ARHGAP11A: variants seen among roughly 807,000 people sequenced by gnomAD.
The protein encoded by ARHGAP11A is Rho GTPase activating protein 11A.
Under a neutral mutation model 60.5 loss-of-function variants are expected in ARHGAP11A, and 36 were observed. The ratio of observed to expected loss-of-function variants is 0.59; its 90% confidence interval spans 0.46 to 0.79. The LOEUF (loss-of-function observed/expected upper bound fraction) is 0.79, where lower values mean the gene tolerates loss of function less well. Ranked by LOEUF, ARHGAP11A falls within the 30% of genes least tolerant of loss-of-function variation. ARHGAP11A has a pLI of 0.00. For missense variants in ARHGAP11A, 1,071 were observed against 1,199.2 expected (o/e 0.89, Z 1.58); for synonymous variants, 362 against 415.5 (o/e 0.87, Z 1.57).
In ARHGAP11A at chr15:32,634,051, T is replaced by A; in HGVS notation, c.1344+10T>A. On this transcript the variant is annotated intron_variant, in intron 10 of 11. Coordinates refer to ENST00000361627, the MANE Select transcript of ARHGAP11A (RefSeq NM_014783.6). The stretch of plus-strand genomic sequence containing the variant: ...AAATGGCAGAGAAGTAGTAAGTTTC[T>A]TACCATTTTATTGATCTTTATATTA... The A allele has an allele frequency of 6.4e-7, 1 of 1,564,112 alleles. No individual in the cohort carries two copies. Among genetic ancestry groups the A allele is most frequent in the Non-Finnish European group, 8.7e-7 (1 of 1,147,636 alleles).
intron 9 of ARHGAP11A, among the ~76,000 whole-genome samples, chr15:32,633,622 C>T (rs913099771): frequency 6.6e-6 from 1 of 151,858 alleles, no homozygotes; most frequent in Non-Finnish European, 1.5e-5. Context: ...CAGCCTGGGC[C>T]GCAGAGTGAG....
Position 32,637,533 on chromosome 15 carries a change from C to A in ARHGAP11A, c.2760C>A (p.Ser920Arg). 1 of 1,614,014 alleles carries A rather than the reference C, an allele frequency of 6.2e-7. No homozygotes were observed. The highest frequency in any genetic ancestry group is 8.5e-7 in the Non-Finnish European group (1 of 1,180,010). ...ATATTGGTGCAATTTCAAAGTCAAG[C>A]ATGGAGTTACCCTCGAAATCTTTCT... ...ESNIGAISKS[S>R]MELPSKSFLK... Residue 920 changes from serine (S) to arginine (R), a missense_variant, in exon 12 of 12, where the codon AGC becomes AGA. Physicochemically the swap from Ser to Arg is moderately radical, Grantham distance 110 (BLOSUM62 -1). Around this residue, in one of 4 missense-constraint regions of ARHGAP11A, gnomAD observed 776 missense variants for 760.2 expected, o/e 1.02. Transcript: ENST00000361627.
At chr15:32,635,487 A>G (rs28373273) in intron 10 of ARHGAP11A, among the ~76,000 whole-genome samples, 2,744 of 152,286 alleles carry the variant, frequency 0.018, 97 homozygotes, top group African/African-American at 0.063. Context: ...TGCCCCAACT[A>G]TTTGTGAACA....
At position 32,633,656 on chromosome 15, in the gene ARHGAP11A, CAAAG is replaced by C. The variant is rs1016352307; in HGVS notation, c.1236-273_1236-270del. Among the ~76,000 whole-genome samples the C allele has an allele frequency of 5.9e-5, 9 of 151,356 alleles. No individual in the cohort carries two copies. In the East Asian group the frequency reaches 1.4e-3, roughly 23 times the overall value. ...AGACCCTGTCTCAAAAAATAAAAAA[CAAAG>C]AAAAAAATTCCTGTTAGGTTAAAAA... is the stretch of plus-strand genomic sequence containing the variant. On this transcript the variant is annotated intron_variant, in intron 9 of 11. Coordinates refer to ENST00000361627, the MANE Select transcript of ARHGAP11A (RefSeq NM_014783.6).
chr15:32,629,631 A>G lies in ARHGAP11A; in HGVS notation c.974A>G (p.Asn325Ser). ...LSESPVILTP[N>S]AKRTLPVDSS... ...GAATCACCAGTGATTCTTACACCAA[A>G]TGCTAAGCGTACATTGCCAGTAGAT... is the stretch of plus-strand genomic sequence containing the variant. The change falls in exon 8 of 12, where the codon AAT becomes AGT. Residue 325 changes from asparagine (N) to serine (S), a missense_variant. Physicochemically the swap from Asn to Ser is conservative, Grantham distance 46. This residue lies in a region of ARHGAP11A where 196 missense variants were observed against 272.1 expected (regional missense o/e 0.72). Coordinates refer to ENST00000361627, the MANE Select transcript of ARHGAP11A (RefSeq NM_014783.6). 1.2e-6 allele frequency: 2 copies of G among 1,612,364 alleles called. No individual in the cohort carries two copies. Among genetic ancestry groups the G allele is most frequent in the South Asian group, 2.2e-5 (2 of 90,494 alleles).
intron 2 of ARHGAP11A, 101 bp downstream of exon 2, chr15:32,620,279 G>A (rs1185267437): frequency 6.3e-7 from 1 of 1,594,764 alleles, no homozygotes; most frequent in East Asian, 2.2e-5. Flanking sequence ...GAGTCCAGGA[G>A]CTTAAGACCA....
chr15:32,620,908 A>T (rs974283433), intron 2 of ARHGAP11A, among the ~76,000 whole-genome samples: 3 of 152,084 alleles, frequency 2.0e-5, no homozygotes, highest in African/African-American at 4.8e-5. Context: ...TATAAAAAAA[A>T]TTTTAAAGAA....
At chr15:32,627,458 G>A (rs1023276891) in intron 6 of ARHGAP11A, among the ~76,000 whole-genome samples, 7 of 151,976 alleles carry the variant, frequency 4.6e-5, no homozygotes, top group Admixed American at 2.6e-4. Flanking sequence ...GGCCGGGCGC[G>A]ATGGCTCACG....
chr15:32,620,785 G>T (rs1319972118), intron 2 of ARHGAP11A, among the ~76,000 whole-genome samples: 1 of 151,788 alleles, frequency 6.6e-6, no homozygotes, highest in African/African-American at 2.4e-5. Context: ...AAAAAATATT[G>T]GCCAGGCACA....
At chr15:32,628,280 A>G (rs1209695394) in intron 6 of ARHGAP11A, among the ~76,000 whole-genome samples, 1 of 152,172 alleles carries the variant, frequency 6.6e-6, no homozygotes, top group Non-Finnish European at 1.5e-5. Flanking sequence ...TAGTCAAACT[A>G]TGTTATTTAT....
chr15:32,634,358 G>A (rs2053656872), intron 10 of ARHGAP11A, among the ~76,000 whole-genome samples: 1 of 152,084 alleles, frequency 6.6e-6, no homozygotes, highest in Admixed American at 6.6e-5. Flanking sequence ...GGGGGATTTT[G>A]GAATATTTAC....
chr15:32,628,684 A>G, intron 6 of ARHGAP11A, 44 bp from the exon 7 acceptor site: 1 of 1,431,018 alleles, frequency 7.0e-7, no homozygotes, highest in Admixed American at 2.4e-5. Flanking sequence ...TTGGTGAAAG[A>G]CAAGTAAATG....
At chr15:32,625,412 A>G in intron 5 of ARHGAP11A, 75 bp from the exon 6 acceptor site, 2 of 1,546,664 alleles carry the variant, frequency 1.3e-6, no homozygotes. Context: ...AAATTGGTAT[A>G]TTAGTATCTA....
intron 1 of ARHGAP11A, 122 bp from the exon 2 acceptor site, chr15:32,619,986 A>G: frequency 6.5e-7 from 1 of 1,526,982 alleles, no homozygotes. Context: ...GTCTTGATAG[A>G]TAGTTTATCA....
Position 32,636,636 on chromosome 15 carries a change from A to G in ARHGAP11A, c.1863A>G (p.Val621=). ...HALMNQRQSS[V]TNVGKVKLTE... ...TGATGAATCAGAGGCAGTCATCAGT[A>G]ACTAATGTGGGGAAAGTAAAATTAA... is the stretch of plus-strand genomic sequence containing the variant. The change falls in exon 12 of 12, where the codon GTA becomes GTG. Residue 621 remains valine, a synonymous_variant. Coordinates refer to ENST00000361627, the MANE Select transcript of ARHGAP11A (RefSeq NM_014783.6). 1 of 1,613,986 alleles carries G rather than the reference A, an allele frequency of 6.2e-7. No individual in the cohort carries two copies. The highest frequency in any genetic ancestry group is 8.5e-7 in the Non-Finnish European group (1 of 1,179,956).
rs2053543575 is a variant in ARHGAP11A at position 32,629,634 on chromosome 15, C to A, written c.977C>A (p.Ala326Asp). The A allele has an allele frequency of 2.5e-6, 4 of 1,612,734 alleles. No homozygotes were observed. The Admixed American group carries it at 5.0e-5, about 20-fold the overall frequency. ...TCACCAGTGATTCTTACACCAAATG[C>A]TAAGCGTACATTGCCAGTAGATTCT... Reference protein sequence around the residue: ...SESPVILTPNAKRTLPVDSSH... With the variant: ...SESPVILTPNDKRTLPVDSSH... The change falls in exon 8 of 12, where the codon GCT (alanine) becomes GAT (aspartate). Residue 326 changes from alanine (A) to aspartate (D), a missense_variant. Ala to Asp is a moderately radical substitution (Grantham distance 126). Around this residue, in one of 4 missense-constraint regions of ARHGAP11A, gnomAD observed 196 missense variants for 272.1 expected, o/e 0.72. Coordinates refer to ENST00000361627, the MANE Select transcript of ARHGAP11A (RefSeq NM_014783.6).
intron 8 of ARHGAP11A, among the ~76,000 whole-genome samples, chr15:32,631,653 G>A (rs1595772172): frequency 6.6e-6 from 1 of 152,184 alleles, no homozygotes; most frequent in East Asian, 1.9e-4. Flanking sequence ...TTCTGACTGT[G>A]CCTCCTGCGA....
Position 32,624,133 on chromosome 15 carries a change from T to C in ARHGAP11A, c.298-40T>C. 4 of 1,608,958 alleles carry C rather than the reference T, an allele frequency of 2.5e-6. No homozygotes were observed. The South Asian group carries it at 4.4e-5, about 18-fold the overall frequency. ...AGATACTTTATTTGCAATAAACTCT[T>C]AAGTTGCCAAAATACTCAAGATTAT... On this transcript the variant is annotated intron_variant, in intron 3 of 11. Coordinates refer to ENST00000361627, the MANE Select transcript of ARHGAP11A (RefSeq NM_014783.6).
rs1389693243 is a variant in ARHGAP11A at position 32,638,619 on chromosome 15, A to G, written c.*774A>G. The G allele has an allele frequency of 6.6e-6, 1 of 152,596 alleles. No homozygotes were observed. Among genetic ancestry groups the G allele is most frequent in the Admixed American group, 6.5e-5 (1 of 15,280 alleles). The allele number at this position is 152,596 out of a possible 1,614,324, so 9.5% of individuals were successfully genotyped here. A position where few individuals can be genotyped will look rare whatever the true frequency, so the allele number is the denominator to read the frequency against. On this transcript the variant is annotated 3_prime_UTR_variant, in exon 12 of 12. Coordinates refer to ENST00000361627, the MANE Select transcript of ARHGAP11A (RefSeq NM_014783.6). ...TTCCTAGAAATTAATTTCCTTCAAT[A>G]GCATCCTAAAACTCTATTTTTATTT...
Sources: gnomAD v4.1 joint callset for allele counts (sites outside exome capture counted in the v4.1 genomes callset) on GRCh38, gnomAD v4.1.1 for gene constraint, gnomAD v4.1.1 regional missense constraint, MANE v1.5 for transcripts, NCBI Gene and HGNC (gene_info 2026-07-23, HGNC 2026-07-21) for gene names.